PDZD2: variants seen among roughly 807,000 people sequenced by gnomAD.
The protein encoded by PDZD2 is PDZ domain-containing protein 2.
In PDZD2, 90 loss-of-function variants were observed where a neutral mutation model predicts 220.7. The ratio of observed to expected loss-of-function variants is 0.41; its 90% confidence interval spans 0.34 to 0.49. The LOEUF (loss-of-function observed/expected upper bound fraction) is 0.49. PDZD2 is among the 20% of genes least tolerant of loss of function. The probability of loss-of-function intolerance (pLI) is 0.28; values close to 1 mark genes in which losing one functional copy is unlikely to be tolerated. For synonymous variants in PDZD2, 1,375 were observed against 1,450.5 expected, an observed-to-expected ratio of 0.95 and a Z score of 1.18; for missense variants, 3,174 against 3,608.5, an observed-to-expected ratio of 0.88 and a Z score of 3.08.
intron 17 of PDZD2, among the ~76,000 whole-genome samples, 186 bp from the exon 18 acceptor site, chr5:32,073,646 C>T (rs10052569): frequency 0.035 from 5,297 of 151,646 alleles, 305 homozygotes; most frequent in African/African-American, 0.12. Context: ...AAAGATAGCC[C>T]GCCTATCTAC....
At chr5:32,031,399 T>TCTG (rs757230626) in intron 6 of PDZD2, among the ~76,000 whole-genome samples, 162 of 152,354 alleles carry the variant, frequency 1.1e-3, no homozygotes, top group Non-Finnish European at 9.6e-4. Flanking sequence ...GACCAGAGCA[T>TCTG]GTTTTCAAAT....
rs530951963 is a variant in PDZD2, at chr5:32,019,887, C to T, written c.1407+9405C>T. Among the ~76,000 whole-genome samples, 13 of 152,032 alleles carry T rather than the reference C, an allele frequency of 8.6e-5. No individual in the cohort carries two copies. The South Asian group carries it at 2.7e-3, about 32-fold the overall frequency. ...GGAGGTAAGTTTCTTCCTGTCTTTG[C>T]GCATTTCATTAGTGTTCCAAGAAGG... On this transcript the variant is annotated intron_variant, in intron 6 of 24. Coordinates refer to ENST00000438447, the MANE Select transcript of PDZD2 (RefSeq NM_178140.4).
At chr5:31,937,694 T>C (rs1255989417) in intron 2 of PDZD2, among the ~76,000 whole-genome samples, 1 of 152,232 alleles carries the variant, frequency 6.6e-6, no homozygotes, top group African/African-American at 2.4e-5. Context: ...TGTGGTCTTT[T>C]AGAAAACTTT....
intron 2 of PDZD2, among the ~76,000 whole-genome samples, chr5:31,863,727 A>T (rs1737935703): frequency 6.6e-6 from 1 of 152,174 alleles, no homozygotes; most frequent in South Asian, 2.1e-4. Context: ...CTGTAAGTAT[A>T]CCATTCCTTA....
chr5:31,676,464 G>A (rs1171544997), intron 1 of PDZD2, among the ~76,000 whole-genome samples: 1 of 151,844 alleles, frequency 6.6e-6, no homozygotes, highest in African/African-American at 2.4e-5. Flanking sequence ...AGAGATTGGG[G>A]TATGATGGAG....
At position 32,072,202 on chromosome 5, in the gene PDZD2, C is replaced by T. The variant is rs995381789; in HGVS notation, c.2610C>T (p.Ala870=). Residue 870 remains alanine (A), a synonymous_variant, in exon 17 of 25, where the codon GCC becomes GCT. Transcript: ENST00000438447. ...ISESELSQYF[A]HDVPGPLSDF... The stretch of plus-strand genomic sequence containing the variant: ...AATCTGAACTCTCCCAGTACTTTGC[C>T]CACGATGTCCCTGGCCCCTTGTCAG... 4 of 1,613,394 alleles carry T rather than the reference C, an allele frequency of 2.5e-6. No homozygotes were observed. The highest frequency in any genetic ancestry group is 2.5e-6 in the Non-Finnish European group (3 of 1,179,352).
intron 1 of PDZD2, among the ~76,000 whole-genome samples, chr5:31,662,008 CA>C (rs1745788127): frequency 6.6e-6 from 1 of 152,002 alleles, no homozygotes; most frequent in African/African-American, 2.4e-5. Flanking sequence ...GAAGCAGTTG[CA>C]GTTAATAATT....
intron 1 of PDZD2, among the ~76,000 whole-genome samples, chr5:31,782,246 T>C (rs1351652985): frequency 6.6e-6 from 1 of 152,196 alleles, no homozygotes; most frequent in Non-Finnish European, 1.5e-5. Context: ...CAATGAATAA[T>C]ATTTTAGTAT....
intron 2 of PDZD2, among the ~76,000 whole-genome samples, chr5:31,972,254 G>A (rs576407366): frequency 1.3e-5 from 2 of 152,182 alleles, no homozygotes; most frequent in East Asian, 3.9e-4. Context: ...GCTAGGACCA[G>A]AGGTGCACAC....
chr5:31,701,719 C>T (rs1394127350), intron 1 of PDZD2, among the ~76,000 whole-genome samples: 1 of 152,210 alleles, frequency 6.6e-6, no homozygotes, highest in East Asian at 1.9e-4. Context: ...TCTGGGAACG[C>T]AACTCTGGTT....
At chr5:31,967,805 G>A (rs1748892241) in intron 2 of PDZD2, among the ~76,000 whole-genome samples, 1 of 152,140 alleles carries the variant, frequency 6.6e-6, no homozygotes, top group Non-Finnish European at 1.5e-5. Context: ...TCATAGCAAA[G>A]CCCCCTGTGA....
chr5:31,848,983 A>T (rs1445301968), intron 2 of PDZD2, among the ~76,000 whole-genome samples: 1 of 152,126 alleles, frequency 6.6e-6, no homozygotes, highest in African/African-American at 2.4e-5. Flanking sequence ...CAGGAGGTGG[A>T]GCTTGCAGTG....
intron 2 of PDZD2, among the ~76,000 whole-genome samples, chr5:31,812,163 A>G (rs546439927): frequency 1.3e-5 from 2 of 152,272 alleles, no homozygotes; most frequent in East Asian, 1.9e-4. Flanking sequence ...GAACCAGTGT[A>G]ATGGGCAGAA....
At chr5:31,790,279 G>A (rs1378200388) in intron 1 of PDZD2, among the ~76,000 whole-genome samples, 1 of 152,082 alleles carries the variant, frequency 6.6e-6, no homozygotes, top group Non-Finnish European at 1.5e-5. Flanking sequence ...TGTATTTTTA[G>A]TAGAGACAGG....
At chr5:32,043,737 C>T (rs540865942) in intron 7 of PDZD2, among the ~76,000 whole-genome samples, 6 of 152,180 alleles carry the variant, frequency 3.9e-5, no homozygotes, top group Admixed American at 3.3e-4. Context: ...AAGTGATTCT[C>T]GCGCCTCAGC....
intron 1 of PDZD2, among the ~76,000 whole-genome samples, chr5:31,780,243 T>G (rs1580741650): frequency 6.7e-6 from 1 of 149,090 alleles, no homozygotes. Flanking sequence ...CACGTGAGAG[T>G]GGGGTGGGGG....
intron 2 of PDZD2, among the ~76,000 whole-genome samples, chr5:31,867,145 A>G (rs1419832625): frequency 1.3e-5 from 2 of 152,192 alleles, no homozygotes; most frequent in East Asian, 3.9e-4. Flanking sequence ...GGTATCCTTT[A>G]AAAAGCTTCT....
chr5:32,094,336 G>T (rs283104), intron 21 of PDZD2, among the ~76,000 whole-genome samples: 2,151 of 152,314 alleles, frequency 0.014, 65 homozygotes, highest in African/African-American at 0.05. Flanking sequence ...GGGGCTATAC[G>T]TAGAGATTTG....
In PDZD2 at chr5:31,995,704, A is replaced by T; in HGVS notation, c.1107A>T (p.Gly369=). The T allele has an allele frequency of 6.2e-7, 1 of 1,613,776 alleles. No homozygotes were observed. The highest frequency in any genetic ancestry group is 8.5e-7 in the Non-Finnish European group (1 of 1,180,004). Residue 369 remains glycine, a synonymous_variant, in exon 4 of 25, where the codon GGA becomes GGT. Transcript: ENST00000438447. ...HAIVVTQVKE[G]GAAHRDGRLS... ...TCGTTGTCACTCAAGTGAAGGAAGG[A>T]GGTGCCGCTCACAGGTGACTAGATA...
Sources: allele counts gnomAD v4.1 joint callset (sites outside exome capture counted in the v4.1 genomes callset), GRCh38; gene constraint gnomAD v4.1.1; transcripts MANE v1.5; gene names NCBI Gene and HGNC (gene_info 2026-07-23, HGNC 2026-07-21).